Variants in THSD7A observed in about 807,000 individuals in gnomAD.
THSD7A encodes the protein thrombospondin type-1 domain-containing protein 7A.
A neutral mutation model predicts 231.3 loss-of-function variants in THSD7A; 96 were observed. The observed-to-expected ratio is 0.41, with a 90% confidence interval of 0.35 to 0.49. THSD7A has a LOEUF of 0.49. Among genes scored for constraint, THSD7A ranks in the 20% least tolerant of loss-of-function variants. The pLI is 0.05. For synonymous variants in THSD7A, 940 were observed against 743.3 expected, an observed-to-expected ratio of 1.26 and a Z score of -4.30; for missense variants, 2,290 against 2,070.2, an observed-to-expected ratio of 1.11 and a Z score of -2.06.
chr7:11,761,508 T>C (rs1782857957), intron 1 of THSD7A, among the ~76,000 whole-genome samples: 1 of 152,154 alleles, frequency 6.6e-6, no homozygotes, highest in South Asian at 2.1e-4. Context: ...TATACATACA[T>C]ACAATGTATA....
At chr7:11,435,292 G>T (rs759899538) in intron 13 of THSD7A, among the ~76,000 whole-genome samples, 1 of 151,920 alleles carries the variant, frequency 6.6e-6, no homozygotes, top group Non-Finnish European at 1.5e-5. Flanking sequence ...TAGGTCTCTC[G>T]GCCCTGAAAT....
intron 1 of THSD7A, among the ~76,000 whole-genome samples, chr7:11,775,685 G>T (rs1002770104): frequency 2.0e-5 from 3 of 152,156 alleles, no homozygotes; most frequent in Non-Finnish European, 4.4e-5. Context: ...GGACTGAGGT[G>T]ATGAAGGGAT....
chr7:11,801,110 T>C (rs1784261962), intron 1 of THSD7A, among the ~76,000 whole-genome samples: 1 of 152,028 alleles, frequency 6.6e-6, no homozygotes, highest in Non-Finnish European at 1.5e-5. Flanking sequence ...AAGACCAGCC[T>C]CGGCAACAAG....
At chr7:11,466,167 C>T (rs1232717349) in intron 9 of THSD7A, among the ~76,000 whole-genome samples, 1 of 151,970 alleles carries the variant, frequency 6.6e-6, no homozygotes, top group East Asian at 1.9e-4. Context: ...TTTAATAAGC[C>T]CAACATCTTT....
chr7:11,433,171 A>C (rs1476638319), intron 13 of THSD7A, among the ~76,000 whole-genome samples: 1 of 152,038 alleles, frequency 6.6e-6, no homozygotes, highest in African/African-American at 2.4e-5. Flanking sequence ...AGTGTTACTG[A>C]AATTTTAAAA....
chr7:11,744,671 C>G lies in THSD7A; in HGVS notation c.190+87086G>C, dbSNP rs999651127. Among the ~76,000 whole-genome samples, 8 of 148,708 alleles carry G rather than the reference C, an allele frequency of 5.4e-5. No individual in the cohort carries two copies. In the Admixed American group the frequency reaches 5.5e-4, roughly 10 times the overall value. ...TGTGTTCTCATTGTTCAATTCCCAC[C>G]TATGAGTGAGAACATGCGGTGTTTG... On this transcript the variant is annotated intron_variant, in intron 1 of 27. Coordinates refer to ENST00000423059, the MANE Select transcript of THSD7A (RefSeq NM_015204.3).
At chr7:11,677,582 AG>A (rs1562467890) in intron 1 of THSD7A, among the ~76,000 whole-genome samples, 2 of 107,000 alleles carry the variant, frequency 1.9e-5, no homozygotes, top group African/African-American at 7.6e-5. Flanking sequence ...GCAAATGGAA[AG>A]CAAAAAAAAA....
chr7:11,402,556 T>G (rs1783442620), intron 22 of THSD7A, among the ~76,000 whole-genome samples: 1 of 152,180 alleles, frequency 6.6e-6, no homozygotes, highest in South Asian at 2.1e-4. Context: ...AAATATTGAT[T>G]TATTGAAGGA....
rs777139036 is a variant in THSD7A, at chr7:11,446,347, C to A, written c.2801-23G>T. 1.9e-6 allele frequency: 3 copies of A among 1,595,988 alleles called. No individual in the cohort carries two copies. Among genetic ancestry groups the A allele is most frequent in the East Asian group, 4.5e-5 (2 of 44,632 alleles). ...TTCCTGTGGAAGAGAAACAATCAGG[C>A]AATTTAAGTTGGAAAATACCATCAT... On this transcript the variant is annotated intron_variant, in intron 12 of 27. Transcript: ENST00000423059. This position sits in a 1 kb window ranked among gnomAD's most constrained non-coding sequence, Gnocchi z 4.0.
Position 11,375,741 on chromosome 7 carries a change from A to G in THSD7A, c.*53T>C. On this transcript the variant is annotated 3_prime_UTR_variant, in exon 28 of 28. Coordinates refer to ENST00000423059, the MANE Select transcript of THSD7A (RefSeq NM_015204.3). ...TGGATACATTTGTTGTGGCCTCTGG[A>G]CATCTATGAAGTCAGAAAGCCGAAA... 2 of 1,436,472 alleles carry G rather than the reference A, an allele frequency of 1.4e-6. No individual in the cohort carries two copies. The highest frequency in any genetic ancestry group is 2.0e-6 in the Non-Finnish European group (2 of 1,023,436). The allele number at this position is 1,436,472 out of a possible 1,614,324, so 89.0% of individuals were successfully genotyped here.
intron 4 of THSD7A, among the ~76,000 whole-genome samples, chr7:11,571,521 C>A (rs931417433): frequency 6.6e-6 from 1 of 152,122 alleles, no homozygotes; most frequent in Non-Finnish European, 1.5e-5. Context: ...TTTAAAAATT[C>A]TATTATTACC....
At chr7:11,556,353 CCTA>C (rs1159162204) in intron 4 of THSD7A, among the ~76,000 whole-genome samples, 1 of 151,164 alleles carries the variant, frequency 6.6e-6, no homozygotes, top group East Asian at 1.9e-4. Context: ...CTTATCACAG[CCTA>C]CTGATATTTT....
intron 1 of THSD7A, among the ~76,000 whole-genome samples, chr7:11,728,556 G>A (rs1194198469): frequency 2.0e-5 from 3 of 151,772 alleles, no homozygotes; most frequent in African/African-American, 7.3e-5. Flanking sequence ...GCCATATTAT[G>A]GGGTAGAAGA....
In THSD7A at chr7:11,512,623, G is replaced by A. The variant is rs185811422; in HGVS notation, c.1822+28796C>T. On this transcript the variant is annotated intron_variant, in intron 6 of 27. Transcript: ENST00000423059. ...CAGCCATAAAAAAAGATGAGTTCAC[G>A]TCCTTTTTAGGGACATGGATGAAGC... Among the ~76,000 whole-genome samples, 588 of 151,904 alleles carry A rather than the reference G, an allele frequency of 3.9e-3. 5 individuals carry two copies. Among genetic ancestry groups the A allele is most frequent in the Non-Finnish European group, 1.8e-3 (123 of 67,966 alleles).
intron 8 of THSD7A, among the ~76,000 whole-genome samples, chr7:11,472,604 A>C (rs1785982452): frequency 6.6e-6 from 1 of 152,120 alleles, no homozygotes. Context: ...GGTGAAGCAA[A>C]TTTTTAATGA....
At chr7:11,491,322 A>G (rs965815008) in intron 6 of THSD7A, among the ~76,000 whole-genome samples, 15 of 152,106 alleles carry the variant, frequency 9.9e-5, no homozygotes, top group African/African-American at 3.4e-4. Flanking sequence ...TCAATTAAAA[A>G]TTTGGACTGA....
intron 2 of THSD7A, among the ~76,000 whole-genome samples, chr7:11,627,688 T>A (rs1781517045): frequency 6.6e-6 from 1 of 152,150 alleles, no homozygotes; most frequent in South Asian, 2.1e-4. Flanking sequence ...TAATGAGGGA[T>A]GTTCAATGGG....
rs10257636 is a variant in THSD7A at position 11,820,673 on chromosome 7, A to T, written c.190+11084T>A. On this transcript the variant is annotated intron_variant, in intron 1 of 27. Transcript: ENST00000423059. ...TCCTCTTTCACTTGGACCCACAAAG[A>T]CTTTAGTCCCCAGTCTCGATGTCTC... 4,568 of 828,648 alleles carry T rather than the reference A, an allele frequency of 5.5e-3. 157 individuals carry two copies. In the African/African-American group the frequency reaches 0.069, roughly 13 times the overall value. 51.3% of individuals were successfully genotyped at this position (828,648 alleles called of 1,614,324 possible). A position where few individuals can be genotyped will look rare whatever the true frequency, so the allele number is the denominator to read the frequency against.
chr7:11,751,242 CA>C (rs1230755635), intron 1 of THSD7A: 14 of 152,034 alleles, frequency 9.2e-5, no homozygotes, highest in African/African-American at 3.1e-4. Flanking sequence ...GTTGGTCCAA[CA>C]GATGCAGGTC....
Sources: allele counts gnomAD v4.1 joint callset (sites outside exome capture counted in the v4.1 genomes callset), GRCh38; gene constraint gnomAD v4.1.1; non-coding constraint Gnocchi (gnomAD v3.1); transcripts MANE v1.5; gene names NCBI Gene and HGNC (gene_info 2026-07-23, HGNC 2026-07-21).